The following OR51B5 variants were observed in gnomAD, a reference collection of about 807,000 sequenced individuals.
OR51B5 encodes olfactory receptor 51B5.
For missense variants in OR51B5, 456 were observed against 374.6 expected, an observed-to-expected ratio of 1.22 and a Z score of -1.79; for synonymous variants, 186 against 144.8, an observed-to-expected ratio of 1.28 and a Z score of -2.04.
Position 5,417,869 on chromosome 11 carries a change from C to T in OR51B5, n.85-70959G>A, listed in dbSNP as rs1316758309. 9.9e-5 allele frequency among the ~76,000 whole-genome samples: 6 copies of T among 60,618 alleles called. 1 individual carries two copies. Among genetic ancestry groups the T allele is most frequent in the African/African-American group, 2.4e-4 (6 of 24,718 alleles). 39.8% of individuals were successfully genotyped at this position (60,618 alleles called of 152,430 possible). The stretch of plus-strand genomic sequence containing the variant: ...ACCATTGTGGCGATTCCTCAGGGAT[C>T]TAGAACTAGAAATACCATTTGACCC... On this transcript the variant is annotated intron_variant and non_coding_transcript_variant, in intron 1 of 4. Transcript: ENST00000415970.
intron 1 of OR51B5, chr11:5,385,313 C>T (rs1321093680): frequency 6.6e-6 from 1 of 152,116 alleles, no homozygotes; most frequent in Non-Finnish European, 1.5e-5. Flanking sequence ...GTATACTTTC[C>T]AAGAGAAATA....
At chr11:5,439,032 C>T (rs1589996172) in intron 1 of OR51B5, among the ~76,000 whole-genome samples, 1 of 152,232 alleles carries the variant, frequency 6.6e-6, no homozygotes, top group East Asian at 1.9e-4. Context: ...AGTGAAGTTC[C>T]ATTGACAAAT....
rs1203964585 is a variant in OR51B5, at chr11:5,370,546, C to A, written n.85-23636G>T. Reference sequence around the variant, plus strand: ...TCTTTCATTCTTACTTTCTGTCTTTCTCCCTTTCTCACTCTTTCTGTGTTT... The same window carrying A: ...TCTTTCATTCTTACTTTCTGTCTTTATCCCTTTCTCACTCTTTCTGTGTTT... On this transcript the variant is annotated intron_variant and non_coding_transcript_variant, in intron 1 of 4. Transcript: ENST00000415970. Among the ~76,000 whole-genome samples the A allele has an allele frequency of 1.3e-5, 2 of 152,120 alleles. 1 individual carries two copies. The highest frequency in any genetic ancestry group is 1.3e-4 in the Admixed American group (2 of 15,250).
At chr11:5,357,240 G>GCA (rs1008373603) in intron 1 of OR51B5, among the ~76,000 whole-genome samples, 4 of 151,834 alleles carry the variant, frequency 2.6e-5, no homozygotes, top group African/African-American at 9.7e-5. Flanking sequence ...CATCTCATGT[G>GCA]CACACACACA....
intron 1 of OR51B5, chr11:5,489,312 GCTAA>G (rs765244955): frequency 6.2e-7 from 1 of 1,613,994 alleles, no homozygotes; most frequent in South Asian, 1.1e-5. Flanking sequence ...TTGTCTATGG[GCTAA>G]CTGTGGCTCT....
intron 1 of OR51B5, chr11:5,351,990 A>ACACTGG: frequency 6.2e-7 from 1 of 1,613,524 alleles, no homozygotes; most frequent in African/African-American, 1.3e-5. Context: ...TTGTTCGCCT[A>ACACTGG]CACTGGTTTC....
At chr11:5,395,040 C>G (rs2340327) in intron 1 of OR51B5, among the ~76,000 whole-genome samples, 81,386 of 151,964 alleles carry the variant, frequency 0.54, 22,395 homozygotes, top group African/African-American at 0.67. Context: ...AGAAGACAGT[C>G]AAGGATCCTC....
intron 1 of OR51B5, among the ~76,000 whole-genome samples, chr11:5,371,982 G>A (rs970107884): frequency 3.3e-5 from 5 of 151,854 alleles, no homozygotes; most frequent in Non-Finnish European, 7.4e-5. Flanking sequence ...CCACATATAA[G>A]TAATATCATG....
At chr11:5,454,512 T>C (rs1400637238) in intron 1 of OR51B5, 42 of 1,145,256 alleles carry the variant, frequency 3.7e-5, no homozygotes, top group Non-Finnish European at 4.7e-5. Context: ...AAGTATAAGA[T>C]AGATTGTGTG....
intron 1 of OR51B5, among the ~76,000 whole-genome samples, chr11:5,497,531 A>T (rs1851667491): frequency 6.6e-6 from 1 of 152,232 alleles, no homozygotes; most frequent in African/African-American, 2.4e-5. Flanking sequence ...GGTATCCATC[A>T]GAACACTTGG....
At chr11:5,489,338 G>A (rs1171315717) in intron 1 of OR51B5, 1 of 1,614,024 alleles carries the variant, frequency 6.2e-7, no homozygotes, top group South Asian at 1.1e-5. Context: ...CTGGCCATGG[G>A]ACTGGATTCC....
chr11:5,419,158 A>G (rs1439309136), intron 1 of OR51B5, among the ~76,000 whole-genome samples: 1 of 152,206 alleles, frequency 6.6e-6, no homozygotes, highest in Non-Finnish European at 1.5e-5. Flanking sequence ...TGTTTGCCAT[A>G]ATGAGACTTT....
chr11:5,455,047 C>A (rs569895663), intron 1 of OR51B5: 148 of 152,396 alleles, frequency 9.7e-4, no homozygotes, highest in African/African-American at 3.5e-3. Flanking sequence ...GTGAAATCAG[C>A]TTAACTATTA....
chr11:5,450,989 A>G (rs1850838571), intron 1 of OR51B5, among the ~76,000 whole-genome samples: 1 of 152,236 alleles, frequency 6.6e-6, no homozygotes, highest in Non-Finnish European at 1.5e-5. Flanking sequence ...TTAATGTTTT[A>G]TCACCTGGTC....
At chr11:5,425,754 C>T (rs1850439149) in intron 1 of OR51B5, among the ~76,000 whole-genome samples, 1 of 151,992 alleles carries the variant, frequency 6.6e-6, no homozygotes, top group Admixed American at 6.5e-5. Context: ...CTTATTGACC[C>T]TCTGTAAATT....
At chr11:5,471,560 CG>C (rs1218184999) in intron 1 of OR51B5, among the ~76,000 whole-genome samples, 2 of 149,968 alleles carry the variant, frequency 1.3e-5, no homozygotes, top group Admixed American at 6.7e-5. Context: ...CCCTTGAACT[CG>C]GGAAGTGGAG....
At chr11:5,432,608 C>T (rs369872193) in intron 1 of OR51B5, among the ~76,000 whole-genome samples, 12 of 152,308 alleles carry the variant, frequency 7.9e-5, no homozygotes, top group African/African-American at 2.9e-4. Context: ...TTAATTTTCT[C>T]AGTATCTCTA....
intron 1 of OR51B5, among the ~76,000 whole-genome samples, chr11:5,502,034 T>G (rs1330906035): frequency 1.3e-5 from 2 of 152,180 alleles, no homozygotes; most frequent in African/African-American, 4.8e-5. Flanking sequence ...CTTGCACATT[T>G]AATCTCATCA....
intron 1 of OR51B5, among the ~76,000 whole-genome samples, chr11:5,447,154 G>A (rs909376257): frequency 1.3e-5 from 2 of 152,286 alleles, no homozygotes; most frequent in Admixed American, 1.3e-4. Context: ...CTAACAAAAT[G>A]TGCTTCTGTT....
Sources: gnomAD v4.1 joint callset for allele counts (sites outside exome capture counted in the v4.1 genomes callset) on GRCh38, gnomAD v4.1.1 for gene constraint, MANE v1.5 for transcripts, NCBI Gene and HGNC (gene_info 2026-07-23, HGNC 2026-07-21) for gene names.